NDUFV2: variants seen among roughly 807,000 people sequenced by gnomAD.
NDUFV2 encodes NADH:ubiquinone oxidoreductase core subunit V2.
A neutral mutation model predicts 31.6 loss-of-function variants in NDUFV2; 18 were observed. That is an observed-to-expected ratio of 0.57 (90% CI 0.39 to 0.84). The LOEUF (loss-of-function observed/expected upper bound fraction) is 0.84, where lower values mean the gene tolerates loss of function less well. NDUFV2 is among the 40% of genes least tolerant of loss of function. The pLI is 0.00. For synonymous variants in NDUFV2, 83 were observed against 99.8 expected (o/e 0.83, Z 1.01); for missense variants, 314 against 303.6 (o/e 1.03, Z -0.26).
At chr18:9,110,932 A>G (rs999705266) in intron 1 of NDUFV2, among the ~76,000 whole-genome samples, 4 of 152,196 alleles carry the variant, frequency 2.6e-5, no homozygotes, top group African/African-American at 9.7e-5. Flanking sequence ...GGTTTTTTGC[A>G]GGAATAGAAG....
At chr18:9,110,157 G>A (rs911804828) in intron 1 of NDUFV2, among the ~76,000 whole-genome samples, 4 of 152,130 alleles carry the variant, frequency 2.6e-5, no homozygotes, top group African/African-American at 9.7e-5. Context: ...CTTATTCTTT[G>A]AATCATTCCA....
At chr18:9,127,860 G>A (rs2078005370) in intron 7 of NDUFV2, among the ~76,000 whole-genome samples, 1 of 152,138 alleles carries the variant, frequency 6.6e-6, no homozygotes, top group African/African-American at 2.4e-5. Flanking sequence ...TGTAATAATT[G>A]TGCCTAATTA....
At chr18:9,109,131 A>G (rs2077857042) in intron 1 of NDUFV2, among the ~76,000 whole-genome samples, 1 of 152,216 alleles carries the variant, frequency 6.6e-6, no homozygotes, top group Non-Finnish European at 1.5e-5. Flanking sequence ...TGTTGTGAAC[A>G]GTGAGAGGAA....
In NDUFV2 at chr18:9,104,118, C is replaced by G. The variant is rs753205626; in HGVS notation, c.54+1321C>G. On this transcript the variant is annotated intron_variant, in intron 1 of 7. Coordinates refer to ENST00000318388, the MANE Select transcript of NDUFV2 (RefSeq NM_021074.5). Reference sequence around the variant, plus strand: ...AGATTTTTCCTGAAGGTAATACTAACAGATTGGGCATGGGGTCCGAGGGTA... The same window carrying G: ...AGATTTTTCCTGAAGGTAATACTAAGAGATTGGGCATGGGGTCCGAGGGTA... The G allele has an allele frequency of 1.0e-3, 1,689 of 1,609,740 alleles. 3 individuals are homozygous for G. Among genetic ancestry groups the G allele is most frequent in the Non-Finnish European group, 1.3e-3 (1,588 of 1,178,122 alleles).
At chr18:9,125,221 T>C (rs1480383610) in intron 6 of NDUFV2, among the ~76,000 whole-genome samples, 2 of 152,116 alleles carry the variant, frequency 1.3e-5, no homozygotes, top group African/African-American at 4.8e-5. Context: ...ATACAGAAAA[T>C]AATCCTAGTG....
intron 3 of NDUFV2, 32 bp downstream of exon 3, chr18:9,119,420 C>T (rs2077918253): frequency 6.3e-7 from 1 of 1,597,208 alleles, no homozygotes; most frequent in Non-Finnish European, 8.6e-7. Context: ...AATTAATTTA[C>T]CAAATAGGTA....
chr18:9,126,370 C>T (rs2077990820), intron 6 of NDUFV2, among the ~76,000 whole-genome samples: 1 of 152,124 alleles, frequency 6.6e-6, no homozygotes, highest in Non-Finnish European at 1.5e-5. Context: ...ATTAGGTTTA[C>T]AAATAAACAA....
Position 9,134,170 on chromosome 18 carries a change from T to C in NDUFV2, c.657-16T>C, listed in dbSNP as rs2078064212. On this transcript the variant is annotated splice_polypyrimidine_tract_variant and intron_variant, in intron 7 of 7. Coordinates refer to ENST00000318388, the MANE Select transcript of NDUFV2 (RefSeq NM_021074.5). Reference sequence around the variant, plus strand: ...AATGTTAATCATTAATAGTTTAATATTACTTTTCATTTCAGGAGTGGACGC... The same window carrying C: ...AATGTTAATCATTAATAGTTTAATACTACTTTTCATTTCAGGAGTGGACGC... 1.3e-6 allele frequency: 2 copies of C among 1,593,526 alleles called. No homozygotes were observed. The highest frequency in any genetic ancestry group is 2.2e-5 in the South Asian group (2 of 90,556).
chr18:9,114,724 G>A (rs958521565), intron 1 of NDUFV2, among the ~76,000 whole-genome samples: 3 of 152,062 alleles, frequency 2.0e-5, no homozygotes, highest in African/African-American at 7.2e-5. Context: ...TTTTTTCCTA[G>A]AGTTTAGCTA....
rs115784165 is a variant in NDUFV2 at position 9,111,255 on chromosome 18, T to C, written c.55-6583T>C. ...ACCTTGAGAAGTTTTCATAACTCAT[T>C]TAAATTTCTGGGAATAATACCCACC... is the stretch of plus-strand genomic sequence containing the variant. On this transcript the variant is annotated intron_variant, in intron 1 of 7. Coordinates refer to ENST00000318388, the MANE Select transcript of NDUFV2 (RefSeq NM_021074.5). Among the ~76,000 whole-genome samples the C allele has an allele frequency of 2.4e-3, 365 of 152,318 alleles. 8 individuals carry two copies. The highest frequency in any genetic ancestry group is 8.3e-3 in the African/African-American group (343 of 41,550).
intron 4 of NDUFV2, among the ~76,000 whole-genome samples, chr18:9,122,036 A>G (rs1339597067): frequency 6.6e-6 from 1 of 152,106 alleles, no homozygotes; most frequent in South Asian, 2.1e-4. Context: ...TTGATTTTCA[A>G]CCTTTTTTTC....
At chr18:9,124,048 C>A (rs1361769136) in intron 5 of NDUFV2, among the ~76,000 whole-genome samples, 3 of 152,000 alleles carry the variant, frequency 2.0e-5, no homozygotes, top group Non-Finnish European at 4.4e-5. Context: ...TTAATTATTA[C>A]AATCAAAATG....
At chr18:9,108,482 C>T (rs181355336) in intron 1 of NDUFV2, among the ~76,000 whole-genome samples, 3 of 152,194 alleles carry the variant, frequency 2.0e-5, no homozygotes, top group Non-Finnish European at 2.9e-5. Context: ...ATTTTCTCAC[C>T]TGTAAAACAA....
At chr18:9,128,623 C>A (rs897829440) in intron 7 of NDUFV2, among the ~76,000 whole-genome samples, 21 of 152,140 alleles carry the variant, frequency 1.4e-4, no homozygotes, top group Admixed American at 1.3e-3. Context: ...ATTACAGTAT[C>A]TTTCTTAGCT....
chr18:9,107,537 G>T (rs556006752), intron 1 of NDUFV2, among the ~76,000 whole-genome samples: 20 of 152,324 alleles, frequency 1.3e-4, no homozygotes, highest in Non-Finnish European at 1.8e-4. Flanking sequence ...CGGATATTTT[G>T]CTAGGTGTTA....
At chr18:9,117,813 A>G in intron 1 of NDUFV2, 25 bp from the exon 2 acceptor site, 1 of 1,428,712 alleles carries the variant, frequency 7.0e-7, no homozygotes, top group Non-Finnish European at 9.9e-7. Flanking sequence ...GATTTACTAA[A>G]CTTTCTTAAA....
chr18:9,127,499 C>T (rs368576347), intron 7 of NDUFV2, among the ~76,000 whole-genome samples: 11 of 152,074 alleles, frequency 7.2e-5, no homozygotes, highest in Admixed American at 4.6e-4. Flanking sequence ...AGTCTCACTC[C>T]GTCACCCAGT....
intron 1 of NDUFV2, among the ~76,000 whole-genome samples, chr18:9,109,533 CAATT>C (rs2077859214): frequency 6.6e-6 from 1 of 152,162 alleles, no homozygotes; most frequent in Non-Finnish European, 1.5e-5. Context: ...CATGAAAAGA[CAATT>C]AAGGAATCCT....
At chr18:9,128,142 TTTC>T (rs2078008198) in intron 7 of NDUFV2, among the ~76,000 whole-genome samples, 1 of 152,236 alleles carries the variant, frequency 6.6e-6, no homozygotes, top group African/African-American at 2.4e-5. Context: ...ATATAAATTT[TTTC>T]TTCCCTCAGC....
Sources: allele counts gnomAD v4.1 joint callset (sites outside exome capture counted in the v4.1 genomes callset), GRCh38; gene constraint gnomAD v4.1.1; transcripts MANE v1.5; gene names NCBI Gene and HGNC (gene_info 2026-07-23, HGNC 2026-07-21).